FBXL2: variants seen among roughly 807,000 people sequenced by gnomAD.
FBXL2 encodes F-box/LRR-repeat protein 2.
In FBXL2, 38 loss-of-function variants were observed where a neutral mutation model predicts 69.2. The ratio of observed to expected loss-of-function variants is 0.55; its 90% confidence interval spans 0.42 to 0.72. FBXL2 has a LOEUF of 0.72. Ranked by LOEUF, FBXL2 falls within the 30% of genes least tolerant of loss-of-function variation. The pLI, the probability that FBXL2 is intolerant of heterozygous loss-of-function variation, is 0.00. For synonymous variants in FBXL2, 192 were observed against 201.3 expected (o/e 0.95, Z 0.39); for missense variants, 354 against 520.3 (o/e 0.68, Z 3.11).
chr3:33,320,583 C>T (rs563306852), intron 2 of FBXL2, among the ~76,000 whole-genome samples: 11 of 151,724 alleles, frequency 7.3e-5, no homozygotes, highest in East Asian at 3.9e-4. Flanking sequence ...CAGGTTCAGG[C>T]GATTCTCCTG....
At chr3:33,326,371 C>T (rs1382459231) in intron 2 of FBXL2, among the ~76,000 whole-genome samples, 1 of 151,998 alleles carries the variant, frequency 6.6e-6, no homozygotes. Flanking sequence ...GGCGTGGTGG[C>T]AGGCACCTGT....
chr3:33,411,527 AC>A, the FBXL2 span: 1 of 1,478,094 alleles, frequency 6.8e-7, no homozygotes, highest in Admixed American at 1.7e-5. Context: ...ATTCAATCCT[AC>A]CATGACCTAA....
Position 33,364,737 on chromosome 3 carries a change from A to G in FBXL2, c.290+18A>G. ...TCCTTGAAGTAAGTCAAATCCAGTG[A>G]CTCACTGTCATGGCAGCTTGTAGCA... On this transcript the variant is annotated intron_variant, in intron 5 of 14. Transcript: ENST00000484457. 6.3e-7 allele frequency: 1 copy of G among 1,595,246 alleles called. No homozygotes were observed. The highest frequency in any genetic ancestry group is 8.6e-7 in the Non-Finnish European group (1 of 1,162,912).
intron 2 of FBXL2, among the ~76,000 whole-genome samples, chr3:33,348,212 A>G (rs1004640996): frequency 1.3e-5 from 2 of 152,024 alleles, no homozygotes; most frequent in African/African-American, 4.8e-5. Context: ...ATGGTGAGAG[A>G]TAGGGGTCTA....
chr3:33,392,347 T>C (rs1352539625), downstream of FBXL2: 3 of 466,224 alleles, frequency 6.4e-6, no homozygotes, highest in Admixed American at 4.2e-5. Flanking sequence ...GCTGAATGAA[T>C]TGAGATTTTT....
intron 2 of FBXL2, among the ~76,000 whole-genome samples, chr3:33,301,351 C>T (rs2036278906): frequency 6.6e-6 from 1 of 152,100 alleles, no homozygotes; most frequent in Non-Finnish European, 1.5e-5. Flanking sequence ...TCTCTTCTGC[C>T]ACTTTTGACT....
rs796161937 is a variant in FBXL2, at chr3:33,370,359, A to G, written c.291-2733A>G. ...CGTGAACCCGGGAGGCGGAGCTTGC[A>G]GTGAGCCGAGATTGCACCACTGCAC... On this transcript the variant is annotated intron_variant, in intron 5 of 14. Transcript: ENST00000484457. Among the ~76,000 whole-genome samples, 85 of 150,344 alleles carry G rather than the reference A, an allele frequency of 5.7e-4. 1 individual carries two copies. The highest frequency in any genetic ancestry group is 2.0e-3 in the African/African-American group (80 of 41,024).
intron 5 of FBXL2, among the ~76,000 whole-genome samples, chr3:33,366,513 AAGT>A: frequency 6.6e-6 from 1 of 151,992 alleles, no homozygotes; most frequent in Non-Finnish European, 1.5e-5. Flanking sequence ...AAAAAAAATT[AAGT>A]AGCTGGGTGT....
intron 12 of FBXL2, chr3:33,393,423 A>G (rs2043844609): frequency 6.2e-7 from 1 of 1,612,064 alleles, no homozygotes; most frequent in East Asian, 2.2e-5. Context: ...CTTCTGAGGC[A>G]ATCATTTCTT....
chr3:33,394,027 A>AT (rs143219786), intron 12 of FBXL2, among the ~76,000 whole-genome samples: 12,279 of 151,768 alleles, frequency 0.081, 548 homozygotes, highest in Admixed American at 0.098. Context: ...CTTTTTGTTT[A>AT]TTTTTTTAAG....
At chr3:33,318,433 T>C (rs1277319932) in intron 2 of FBXL2, among the ~76,000 whole-genome samples, 2 of 152,194 alleles carry the variant, frequency 1.3e-5, no homozygotes, top group Non-Finnish European at 2.9e-5. Flanking sequence ...TTGATAAATA[T>C]AGGAAGGAGA....
Position 33,375,222 on chromosome 3 carries a change from T to G in FBXL2, c.658-66T>G, listed in dbSNP as rs2042558807. On this transcript the variant is annotated intron_variant, in intron 9 of 14. Transcript: ENST00000484457. ...AAAACTGAACAACAGCAGATACTTTTCTGCTGCTCCCGTTTTGGTATTGCT... is the reference window on the plus strand; with the variant it reads ...AAAACTGAACAACAGCAGATACTTTGCTGCTGCTCCCGTTTTGGTATTGCT... 5.7e-6 allele frequency: 9 copies of G among 1,581,842 alleles called. No individual in the cohort carries two copies. In the South Asian group the frequency reaches 6.7e-5, roughly 12 times the overall value.
At chr3:33,312,472 T>A (rs1304744866) in intron 2 of FBXL2, among the ~76,000 whole-genome samples, 3 of 152,218 alleles carry the variant, frequency 2.0e-5, no homozygotes, top group Non-Finnish European at 4.4e-5. Context: ...GTGATTCTTG[T>A]GGCTGTGCAT....
intron 4 of FBXL2, among the ~76,000 whole-genome samples, chr3:33,359,673 T>C (rs910659568): frequency 1.1e-4 from 17 of 152,054 alleles, no homozygotes; most frequent in Non-Finnish European, 1.8e-4. Flanking sequence ...CAAATACTTA[T>C]TGATCTAGAA....
chr3:33,408,631 T>G, downstream of FBXL2: 2 of 1,421,284 alleles, frequency 1.4e-6, no homozygotes, highest in South Asian at 2.8e-5. Flanking sequence ...AAGTTGGTCC[T>G]ATATCTAACA....
intron 2 of FBXL2, among the ~76,000 whole-genome samples, chr3:33,305,253 T>C (rs1385218116): frequency 6.6e-6 from 1 of 152,008 alleles, no homozygotes; most frequent in East Asian, 1.9e-4. Context: ...AAAATTTTGT[T>C]TTTGATATTT....
chr3:33,316,518 T>C (rs79406236), intron 2 of FBXL2, among the ~76,000 whole-genome samples: 14,635 of 152,198 alleles, frequency 0.096, 734 homozygotes, highest in African/African-American at 0.11. Flanking sequence ...CCTCCACTCA[T>C]GTGCTATTTG....
rs1407883007 is a variant in FBXL2, at chr3:33,402,832, G to A, written n.1215-402G>A. 3 of 1,605,772 alleles carry A rather than the reference G, an allele frequency of 1.9e-6. No individual in the cohort carries two copies. The South Asian group carries it at 3.4e-5, about 18-fold the overall frequency. Reference sequence around the variant, plus strand: ...GGGACACTGCAAGTGCTCTGCTGTGGGGAGGTGAAAGTGGGCGCTGGGGAA... The same window carrying A: ...GGGACACTGCAAGTGCTCTGCTGTGAGGAGGTGAAAGTGGGCGCTGGGGAA... On this transcript the variant is annotated intron_variant and non_coding_transcript_variant, in intron 12 of 12. Transcript: ENST00000463736.
intron 2 of FBXL2, among the ~76,000 whole-genome samples, chr3:33,310,687 GA>G (rs946280136): frequency 2.0e-5 from 3 of 151,782 alleles, no homozygotes; most frequent in African/African-American, 7.3e-5. Context: ...CATTTGTCTG[GA>G]AAAGTCTGTC....
Sources: allele counts gnomAD v4.1 joint callset (sites outside exome capture counted in the v4.1 genomes callset), GRCh38; gene constraint gnomAD v4.1.1; transcripts MANE v1.5; gene names NCBI Gene and HGNC (gene_info 2026-07-23, HGNC 2026-07-21).